Variants in MOCOS observed in about 807,000 individuals in gnomAD.
MOCOS encodes the protein human molybdenum cofactor sulfurase.
Under a neutral mutation model 83.6 loss-of-function variants are expected in MOCOS, and 86 were observed. The observed-to-expected ratio is 1.03, with a 90% CI of 0.86 to 1.23. The LOEUF is 1.23. Ranked by LOEUF, MOCOS falls within the 50% of genes most tolerant of loss-of-function variation. The probability of loss-of-function intolerance (pLI) is 0.00; values close to 1 mark genes in which losing one functional copy is unlikely to be tolerated. For synonymous variants in MOCOS, 445 were observed against 434.7 expected, an observed-to-expected ratio of 1.02 and a Z score of -0.29; for missense variants, 1,120 against 1,126.9, an observed-to-expected ratio of 0.99 and a Z score of 0.09.
intron 1 of MOCOS, among the ~76,000 whole-genome samples, chr18:36,192,845 C>T (rs2144893271): frequency 6.6e-6 from 1 of 152,122 alleles, no homozygotes; most frequent in South Asian, 2.1e-4. Context: ...GATGGGGTTT[C>T]ACCATGTTGG....
Position 36,203,100 on chromosome 18 carries a change from C to G in MOCOS, c.942-13C>G, listed in dbSNP as rs2091420861. 1.9e-6 allele frequency: 3 copies of G among 1,612,896 alleles called. No individual in the cohort carries two copies. Among genetic ancestry groups the G allele is most frequent in the Middle Eastern group, 1.6e-4 (1 of 6,082 alleles). On this transcript the variant is annotated splice_polypyrimidine_tract_variant and intron_variant, in intron 4 of 14. Transcript: ENST00000261326. Reference sequence around the variant, plus strand: ...CCACAGCTTGACCTGTTCTCCTTACCCCGTGGTTATAGGTTTGAAGATGGC... The same window carrying G: ...CCACAGCTTGACCTGTTCTCCTTACGCCGTGGTTATAGGTTTGAAGATGGC...
In MOCOS at chr18:36,198,850, G is replaced by A. The variant is rs78016862; in HGVS notation, c.299+94G>A. 4.0e-3 allele frequency: 5,368 copies of A among 1,346,714 alleles called. 178 individuals carry two copies. The African/African-American group carries it at 0.069, about 17-fold the overall frequency. The allele number at this position is 1,346,714 out of a possible 1,614,324, so 83.4% of individuals were successfully genotyped here. On this transcript the variant is annotated intron_variant, in intron 3 of 14. Coordinates refer to ENST00000261326, the MANE Select transcript of MOCOS (RefSeq NM_017947.4). ...TGCATCCCACAAAAGTTCTGAGTTG[G>A]TTTCAGGAGGATCACAGTTGGCTAA...
At chr18:36,245,151 C>G (rs955218091) in intron 9 of MOCOS, among the ~76,000 whole-genome samples, 1 of 152,080 alleles carries the variant, frequency 6.6e-6, no homozygotes, top group Non-Finnish European at 1.5e-5. Context: ...ATATGAGGTA[C>G]TGTTCTATTC....
intron 1 of MOCOS, among the ~76,000 whole-genome samples, chr18:36,192,073 C>T (rs2091368238): frequency 6.6e-6 from 1 of 152,194 alleles, no homozygotes; most frequent in Admixed American, 6.5e-5. Flanking sequence ...TGCCTGTTCT[C>T]ACCATTTCTA....
At chr18:36,234,322 C>T (rs140931241) in intron 9 of MOCOS, among the ~76,000 whole-genome samples, 3,551 of 152,154 alleles carry the variant, frequency 0.023, 111 homozygotes, top group East Asian at 0.14. Context: ...TTTGCTTTGT[C>T]GAAGATCAGT....
intron 1 of MOCOS, among the ~76,000 whole-genome samples, chr18:36,193,592 G>A (rs986905024): frequency 8.6e-5 from 13 of 151,944 alleles, no homozygotes; most frequent in Non-Finnish European, 1.9e-4. Flanking sequence ...TTAACTCAAT[G>A]GATCAAATAC....
intron 9 of MOCOS, among the ~76,000 whole-genome samples, chr18:36,227,416 G>T (rs35357560): frequency 6.7e-6 from 1 of 149,672 alleles, no homozygotes; most frequent in Admixed American, 6.7e-5. Flanking sequence ...TTTTTTTTGA[G>T]ATGGGGTCTC....
chr18:36,240,858 G>A lies in MOCOS; in HGVS notation c.1961-8064G>A, dbSNP rs556205078. Among the ~76,000 whole-genome samples, 70 of 152,080 alleles carry A rather than the reference G, an allele frequency of 4.6e-4. 1 individual carries two copies. The highest frequency in any genetic ancestry group is 1.5e-3 in the African/African-American group (62 of 41,496). On this transcript the variant is annotated intron_variant, in intron 9 of 14. Coordinates refer to ENST00000261326, the MANE Select transcript of MOCOS (RefSeq NM_017947.4). ...TGGTGCGCCGTTTTTTAAGCCCATC[G>A]GAAAAGCGCAGTATTCGGGTGGGAA...
chr18:36,209,397 G>A (rs1198833159), intron 6 of MOCOS, among the ~76,000 whole-genome samples: 2 of 151,716 alleles, frequency 1.3e-5, no homozygotes, highest in Non-Finnish European at 2.9e-5. Flanking sequence ...ACATGGATAA[G>A]TTCTTTGGTG....
intron 10 of MOCOS, 72 bp from the exon 11 acceptor site, chr18:36,251,087 T>G: frequency 6.5e-7 from 1 of 1,535,346 alleles, no homozygotes; most frequent in Non-Finnish European, 8.9e-7. Flanking sequence ...GTAACCAAAC[T>G]TTTTGCAATT....
intron 9 of MOCOS, among the ~76,000 whole-genome samples, chr18:36,232,021 C>T (rs1050907844): frequency 6.6e-6 from 1 of 152,102 alleles, no homozygotes; most frequent in African/African-American, 2.4e-5. Flanking sequence ...GGCTGGAGTG[C>T]AGTGACACAA....
chr18:36,214,689 T>C (rs2091468950), intron 7 of MOCOS, among the ~76,000 whole-genome samples: 1 of 151,622 alleles, frequency 6.6e-6, no homozygotes, highest in African/African-American at 2.4e-5. Flanking sequence ...AACCATGAAC[T>C]GAGTTTTGTT....
chr18:36,204,924 T>C (rs1250781131), intron 5 of MOCOS, among the ~76,000 whole-genome samples, 153 bp from the exon 6 acceptor site: 1 of 134,388 alleles, frequency 7.4e-6, no homozygotes, highest in East Asian at 2.3e-4. Flanking sequence ...GCCCAGGAGG[T>C]TGAGGCTGCA....
At position 36,259,985 on chromosome 18, in the gene MOCOS, A is replaced by G; in HGVS notation, c.2271-52A>G. The G allele has an allele frequency of 5.6e-6, 9 of 1,608,206 alleles. No homozygotes were observed. In the South Asian group the frequency reaches 6.6e-5, roughly 12 times the overall value. On this transcript the variant is annotated intron_variant, in intron 12 of 14. Transcript: ENST00000261326. ...AGGCATGATGAATTATTATAGTGGT[A>G]CAATTATCTGCCATCCTCCCCCTAC...
At chr18:36,211,207 T>A (rs1217699297) in intron 6 of MOCOS, among the ~76,000 whole-genome samples, 1 of 152,200 alleles carries the variant, frequency 6.6e-6, no homozygotes, top group African/African-American at 2.4e-5. Flanking sequence ...GGCTGTCTCT[T>A]TTTCATCAGG....
At chr18:36,221,018 T>A (rs1370013348) in intron 9 of MOCOS, among the ~76,000 whole-genome samples, 1 of 152,208 alleles carries the variant, frequency 6.6e-6, no homozygotes, top group African/African-American at 2.4e-5. Flanking sequence ...CTCATCATCA[T>A]GTATACTGCA....
At chr18:36,258,609 C>G (rs1271165106) in intron 12 of MOCOS, among the ~76,000 whole-genome samples, 1 of 152,164 alleles carries the variant, frequency 6.6e-6, no homozygotes, top group African/African-American at 2.4e-5. Flanking sequence ...ACCCCATAGT[C>G]TTTCAACCCT....
At chr18:36,194,139 G>A (rs534258722) in intron 1 of MOCOS, among the ~76,000 whole-genome samples, 27 of 152,318 alleles carry the variant, frequency 1.8e-4, no homozygotes, top group Non-Finnish European at 3.4e-4. Context: ...GCTGGGGTTG[G>A]AGGCATTGGG....
intron 1 of MOCOS, 111 bp downstream of exon 1, chr18:36,187,792 A>C: frequency 8.6e-7 from 1 of 1,169,288 alleles, no homozygotes. Flanking sequence ...TTTTGAATCG[A>C]AACTCCAGGA....
Sources: gnomAD v4.1 joint callset for allele counts (sites outside exome capture counted in the v4.1 genomes callset) on GRCh38, gnomAD v4.1.1 for gene constraint, MANE v1.5 for transcripts, NCBI Gene and HGNC (gene_info 2026-07-23, HGNC 2026-07-21) for gene names.